LCE2A: variants seen among roughly 807,000 people sequenced by gnomAD.
LCE2A encodes late cornified envelope protein 2A.
For synonymous variants in LCE2A, 65 were observed against 52.5 expected (o/e 1.24, Z -1.03); for missense variants, 147 against 137.6 (o/e 1.07, Z -0.34).
Position 152,699,062 on chromosome 1 carries a change from C to G in LCE2A, c.161C>G (p.Ser54Cys). 1 of 1,613,860 alleles carries G rather than the reference C, an allele frequency of 6.2e-7. No individual in the cohort carries two copies. Among genetic ancestry groups the G allele is most frequent in the Non-Finnish European group, 8.5e-7 (1 of 1,179,934 alleles). Reference sequence around the variant, plus strand: ...CCCAGCTCTGGGGGCTGCTGCGGCTCCAGCTCTGGGGGCTGCTGCAGCTCT... The same window carrying G: ...CCCAGCTCTGGGGGCTGCTGCGGCTGCAGCTCTGGGGGCTGCTGCAGCTCT... ...CGPSSGGCCG[S>C]SSGGCCSSGG... Residue 54 changes from serine to cysteine, a missense_variant, in exon 2 of 2, where the codon TCC becomes TGC. Ser to Cys is a moderately radical substitution (Grantham distance 112). Coordinates refer to ENST00000368779, the MANE Select transcript of LCE2A (RefSeq NM_178428.4).
At position 152,698,871 on chromosome 1, in the gene LCE2A, T is replaced by C; in HGVS notation, c.-20-11T>C. ...TTCACAGCTAAAGGGTTTGACTATT[T>C]CGAATTTCAGGTTGAAAAAGTCGCA... is the stretch of plus-strand genomic sequence containing the variant. On this transcript the variant is annotated splice_polypyrimidine_tract_variant and intron_variant, in intron 1 of 1. Coordinates refer to ENST00000368779, the MANE Select transcript of LCE2A (RefSeq NM_178428.4). The C allele has an allele frequency of 6.2e-7, 1 of 1,613,602 alleles. No individual in the cohort carries two copies. Among genetic ancestry groups the C allele is most frequent in the Middle Eastern group, 1.6e-4 (1 of 6,062 alleles).
rs1286627007 is a variant in LCE2A, at chr1:152,698,366, A to T, written c.-49A>T. The T allele has an allele frequency of 6.3e-6, 1 of 159,278 alleles. No individual in the cohort carries two copies. Among genetic ancestry groups the T allele is most frequent in the Non-Finnish European group, 1.4e-5 (1 of 72,766 alleles). 9.9% of individuals were successfully genotyped at this position (159,278 alleles called of 1,614,324 possible). ...CCTCATCTGCTCTGACTTCCCCAGG[A>T]CGTGTCTGTGCTCCTGTGTGTGACC... On this transcript the variant is annotated 5_prime_UTR_variant, in exon 1 of 2. Coordinates refer to ENST00000368779, the MANE Select transcript of LCE2A (RefSeq NM_178428.4).
Position 152,699,269 on chromosome 1 carries a change from C to A in LCE2A, c.*47C>A. ...GCAACCCTTATGGAGAAACTTGCAACCAGGACCTGTCCCAGAGTGATGCTT... is the reference window on the plus strand; with the variant it reads ...GCAACCCTTATGGAGAAACTTGCAAACAGGACCTGTCCCAGAGTGATGCTT... On this transcript the variant is annotated 3_prime_UTR_variant, in exon 2 of 2. Coordinates refer to ENST00000368779, the MANE Select transcript of LCE2A (RefSeq NM_178428.4). 6.4e-7 allele frequency: 1 copy of A among 1,571,088 alleles called. No homozygotes were observed. Among genetic ancestry groups the A allele is most frequent in the Non-Finnish European group, 8.6e-7 (1 of 1,156,988 alleles).
In LCE2A at chr1:152,699,205, T is replaced by C. The variant is rs1553195258; in HGVS notation, c.304T>C (p.Ser102Pro). ...PSGGSGCCHS[S>P]GDCC ...TGGGGGCTCTGGCTGCTGCCACAGC[T>C]CTGGGGACTGCTGCTGACCAGACCT... is the stretch of plus-strand genomic sequence containing the variant. Residue 102 changes from serine (S) to proline (P), a missense_variant, in exon 2 of 2, where the codon TCT (serine) becomes CCT (proline). Ser to Pro is a moderately conservative substitution (Grantham distance 74). Coordinates refer to ENST00000368779, the MANE Select transcript of LCE2A (RefSeq NM_178428.4). The C allele has an allele frequency of 6.2e-7, 1 of 1,613,384 alleles. No homozygotes were observed. The highest frequency in any genetic ancestry group is 1.1e-5 in the South Asian group (1 of 90,970).
At position 152,699,169 on chromosome 1, in the gene LCE2A, T is replaced by A. The variant is rs756668366; in HGVS notation, c.268T>A (p.Cys90Ser). Residue 90 changes from cysteine to serine, a missense_variant, in exon 2 of 2, where the codon TGT becomes AGT. Cys to Ser is a moderately radical substitution (Grantham distance 112). Coordinates refer to ENST00000368779, the MANE Select transcript of LCE2A (RefSeq NM_178428.4). ...GCACCAGAGCCCCGATTGTTGTGAG[T>A]GTGAACCTTCTGGGGGCTCTGGCTG... ...HRHQSPDCCE[C>S]EPSGGSGCCH... 6 of 1,613,814 alleles carry A rather than the reference T, an allele frequency of 3.7e-6. No individual in the cohort carries two copies. In the African/African-American group the frequency reaches 4.0e-5, roughly 11 times the overall value.
chr1:152,699,072 G>A lies in LCE2A; in HGVS notation c.171G>A (p.Gly57=), dbSNP rs61812671. The A allele has an allele frequency of 1.2e-6, 2 of 1,613,826 alleles. No individual in the cohort carries two copies. Among genetic ancestry groups the A allele is most frequent in the Non-Finnish European group, 1.7e-6 (2 of 1,179,922 alleles). ...GGGGCTGCTGCGGCTCCAGCTCTGG[G>A]GGCTGCTGCAGCTCTGGGGGTGGCG... The part of the protein sequence containing the change: ...SSGGCCGSSS[G]GCCSSGGGGC... Residue 57 remains glycine, a synonymous_variant, in exon 2 of 2, where the codon GGG becomes GGA. Transcript: ENST00000368779.
chr1:152,699,358 A>T lies in LCE2A; in HGVS notation c.*136A>T. Reference sequence around the variant, plus strand: ...CTTGTGAGGTGTTTTGTCTGTTGTCATGGCCCAAGAGCCCATCCTGGATCC... The same window carrying T: ...CTTGTGAGGTGTTTTGTCTGTTGTCTTGGCCCAAGAGCCCATCCTGGATCC... On this transcript the variant is annotated 3_prime_UTR_variant, in exon 2 of 2. Coordinates refer to ENST00000368779, the MANE Select transcript of LCE2A (RefSeq NM_178428.4). 1 of 1,128,990 alleles carries T rather than the reference A, an allele frequency of 8.9e-7. No homozygotes were observed. Among genetic ancestry groups the T allele is most frequent in the Non-Finnish European group, 1.3e-6 (1 of 798,940 alleles). The allele number at this position is 1,128,990 out of a possible 1,614,324, so 69.9% of individuals were successfully genotyped here.
Position 152,698,815 on chromosome 1 carries a change from T to C in LCE2A, c.-20-67T>C, listed in dbSNP as rs548614981. Reference sequence around the variant, plus strand: ...TTCACCATCACCATATGATTTAGTTTTAAAAGAGATAAAATTGCCATCCTT... The same window carrying C: ...TTCACCATCACCATATGATTTAGTTCTAAAAGAGATAAAATTGCCATCCTT... On this transcript the variant is annotated intron_variant, in intron 1 of 1. Coordinates refer to ENST00000368779, the MANE Select transcript of LCE2A (RefSeq NM_178428.4). 15 of 1,399,446 alleles carry C rather than the reference T, an allele frequency of 1.1e-5. No individual in the cohort carries two copies. The African/African-American group carries it at 2.1e-4, about 20-fold the overall frequency. 86.7% of individuals were successfully genotyped at this position (1,399,446 alleles called of 1,614,324 possible).
intron 1 of LCE2A, 140 bp from the exon 2 acceptor site, chr1:152,698,742 T>G: frequency 1.5e-6 from 1 of 650,162 alleles, no homozygotes; most frequent in Non-Finnish European, 2.6e-6. Flanking sequence ...CTTTCACTTG[T>G]TGATATATAT....
In LCE2A at chr1:152,699,404, A is replaced by G. The variant is rs547064550; in HGVS notation, c.*182A>G. On this transcript the variant is annotated 3_prime_UTR_variant, in exon 2 of 2. Transcript: ENST00000368779. The stretch of plus-strand genomic sequence containing the variant: ...GATCCTGATCTTACCTTCCCACTTT[A>G]CCTCATACAACAATAAAGCTCTTTT... The G allele has an allele frequency of 5.1e-5, 36 of 707,848 alleles. No homozygotes were observed. In the African/African-American group the frequency reaches 5.2e-4, roughly 10 times the overall value. 43.8% of individuals were successfully genotyped at this position (707,848 alleles called of 1,614,324 possible). A position where few individuals can be genotyped will look rare whatever the true frequency, so the allele number is the denominator to read the frequency against.
Position 152,699,220 on chromosome 1 carries a change from T to C in LCE2A, c.319T>C (p.Ter107ArgextTer35), listed in dbSNP as rs1649515580. 1 of 1,611,388 alleles carries C rather than the reference T, an allele frequency of 6.2e-7. No individual in the cohort carries two copies. The highest frequency in any genetic ancestry group is 1.3e-5 in the African/African-American group (1 of 74,844). ...CTGCCACAGCTCTGGGGACTGCTGCTGACCAGACCTCGAACATCACAGAGC... is the reference window on the plus strand; with the variant it reads ...CTGCCACAGCTCTGGGGACTGCTGCCGACCAGACCTCGAACATCACAGAGC... ...GCCHSSGDCC* is the reference protein window; with the variant it reads ...GCCHSSGDCCR The change falls in exon 2 of 2, where the codon TGA becomes CGA. Residue 107 changes from the stop codon to arginine (R), a stop_lost. Transcript: ENST00000368779.
intron 1 of LCE2A, among the ~76,000 whole-genome samples, chr1:152,698,675 A>C (rs1335732033): frequency 6.6e-6 from 1 of 152,124 alleles, no homozygotes; most frequent in Non-Finnish European, 1.5e-5. Context: ...AAGAATAAGA[A>C]GCTTCTTATT....
chr1:152,699,064 A>G lies in LCE2A; in HGVS notation c.163A>G (p.Ser55Gly). The change falls in exon 2 of 2, where the codon AGC (serine) becomes GGC (glycine). Residue 55 changes from serine to glycine, a missense_variant. Coordinates refer to ENST00000368779, the MANE Select transcript of LCE2A (RefSeq NM_178428.4). ...GPSSGGCCGS[S>G]SGGCCSSGGG... ...CAGCTCTGGGGGCTGCTGCGGCTCC[A>G]GCTCTGGGGGCTGCTGCAGCTCTGG... 1 of 1,613,592 alleles carries G rather than the reference A, an allele frequency of 6.2e-7. No homozygotes were observed. Among genetic ancestry groups the G allele is most frequent in the Non-Finnish European group, 8.5e-7 (1 of 1,179,850 alleles).
chr1:152,698,567 T>G (rs2101523178), intron 1 of LCE2A, among the ~76,000 whole-genome samples, 173 bp downstream of exon 1: 1 of 152,340 alleles, frequency 6.6e-6, no homozygotes, highest in Non-Finnish European at 1.5e-5. Context: ...GACAGTTTCA[T>G]CAAGGGCTTA....
Position 152,699,053 on chromosome 1 carries a change from G to A in LCE2A, c.152G>A (p.Cys51Tyr). 1 of 1,613,692 alleles carries A rather than the reference G, an allele frequency of 6.2e-7. No homozygotes were observed. The highest frequency in any genetic ancestry group is 8.5e-7 in the Non-Finnish European group (1 of 1,179,890). Residue 51 changes from cysteine to tyrosine, a missense_variant, in exon 2 of 2, where the codon TGC (cysteine) becomes TAC (tyrosine). Physicochemically the swap from Cys to Tyr is radical, Grantham distance 194 (BLOSUM62 -2). Coordinates refer to ENST00000368779, the MANE Select transcript of LCE2A (RefSeq NM_178428.4). ...SSCCGPSSGG[C>Y]CGSSSGGCCS... is the part of the protein sequence containing the mutation. ...TGCTGTGGTCCCAGCTCTGGGGGCT[G>A]CTGCGGCTCCAGCTCTGGGGGCTGC...
Position 152,699,288 on chromosome 1 carries a change from G to A in LCE2A, c.*66G>A, listed in dbSNP as rs368676732. 40 of 1,530,512 alleles carry A rather than the reference G, an allele frequency of 2.6e-5. No individual in the cohort carries two copies. The highest frequency in any genetic ancestry group is 3.5e-4 in the Middle Eastern group (2 of 5,708). The allele number at this position is 1,530,512 out of a possible 1,614,324, so 94.8% of individuals were successfully genotyped here. A position where few individuals can be genotyped will look rare whatever the true frequency, so the allele number is the denominator to read the frequency against. ...TTGCAACCAGGACCTGTCCCAGAGTGATGCTTCTCCTGCCCCTTTTTCTCC... is the reference window on the plus strand; with the variant it reads ...TTGCAACCAGGACCTGTCCCAGAGTAATGCTTCTCCTGCCCCTTTTTCTCC... On this transcript the variant is annotated 3_prime_UTR_variant, in exon 2 of 2. Coordinates refer to ENST00000368779, the MANE Select transcript of LCE2A (RefSeq NM_178428.4).
At position 152,699,437 on chromosome 1, in the gene LCE2A, C is replaced by T. The variant is rs3908717; in HGVS notation, c.*215C>T. 6 of 614,416 alleles carry T rather than the reference C, an allele frequency of 9.8e-6. No homozygotes were observed. Among genetic ancestry groups the T allele is most frequent in the East Asian group, 5.6e-5 (2 of 35,512 alleles). The allele number at this position is 614,416 out of a possible 1,614,324, so 38.1% of individuals were successfully genotyped here. The stretch of plus-strand genomic sequence containing the variant: ...CAACAATAAAGCTCTTTTGCCTCTT[C>T]GTGAAGTACCCTGGCCATTGTCAAT... On this transcript the variant is annotated 3_prime_UTR_variant, in exon 2 of 2. Transcript: ENST00000368779.
In LCE2A at chr1:152,699,248, C is replaced by A. The variant is rs1281070828; in HGVS notation, c.*26C>A. 3 of 1,592,820 alleles carry A rather than the reference C, an allele frequency of 1.9e-6. No homozygotes were observed. The highest frequency in any genetic ancestry group is 2.2e-5 in the East Asian group (1 of 44,622). On this transcript the variant is annotated 3_prime_UTR_variant, in exon 2 of 2. Coordinates refer to ENST00000368779, the MANE Select transcript of LCE2A (RefSeq NM_178428.4). The stretch of plus-strand genomic sequence containing the variant: ...CCAGACCTCGAACATCACAGAGCAA[C>A]CCTTATGGAGAAACTTGCAACCAGG...
rs760607169 is a variant in LCE2A at position 152,699,066 on chromosome 1, C to T, written c.165C>T (p.Ser55=). The T allele has an allele frequency of 6.2e-7, 1 of 1,613,756 alleles. No homozygotes were observed. The highest frequency in any genetic ancestry group is 1.3e-5 in the African/African-American group (1 of 74,832). Residue 55 remains serine (S), a synonymous_variant, in exon 2 of 2, where the codon AGC becomes AGT. Coordinates refer to ENST00000368779, the MANE Select transcript of LCE2A (RefSeq NM_178428.4). ...GPSSGGCCGS[S]SGGCCSSGGG... is the part of the protein sequence containing the mutation. The stretch of plus-strand genomic sequence containing the variant: ...GCTCTGGGGGCTGCTGCGGCTCCAG[C>T]TCTGGGGGCTGCTGCAGCTCTGGGG...
Sources: gnomAD v4.1 joint callset for allele counts (sites outside exome capture counted in the v4.1 genomes callset) on GRCh38, gnomAD v4.1.1 for gene constraint, MANE v1.5 for transcripts, NCBI Gene and HGNC (gene_info 2026-07-23, HGNC 2026-07-21) for gene names.